RNF17: variants seen among roughly 807,000 people sequenced by gnomAD.
RNF17 encodes spermatogenesis associated 23.
In RNF17, 31 loss-of-function variants were observed where a neutral mutation model predicts 200.5. The observed-to-expected ratio is 0.15, with a 90% CI of 0.12 to 0.21. The LOEUF (loss-of-function observed/expected upper bound fraction) is 0.21, where lower values mean the gene tolerates loss of function less well. Among genes scored for constraint, RNF17 ranks in the 10% least tolerant of loss-of-function variants. RNF17 has a pLI of 1.00. For missense variants in RNF17, 1,628 were observed against 1,905.1 expected, an observed-to-expected ratio of 0.85 and a Z score of 2.71; for synonymous variants, 606 against 637.8, an observed-to-expected ratio of 0.95 and a Z score of 0.75.
At chr13:24,870,768 G>A (rs1665605671) in intron 32 of RNF17, 29 bp downstream of exon 32, 3 of 1,590,596 alleles carry the variant, frequency 1.9e-6, no homozygotes, top group East Asian at 2.2e-5. Flanking sequence ...AATGAAACAG[G>A]ATACTTAATA....
chr13:24,793,142 A>G lies in RNF17; in HGVS notation c.1036A>G (p.Lys346Glu), dbSNP rs746543704. 4.3e-6 allele frequency: 7 copies of G among 1,613,920 alleles called. No individual in the cohort carries two copies. The highest frequency in any genetic ancestry group is 5.9e-6 in the Non-Finnish European group (7 of 1,179,854). Reference protein sequence around the residue: ...CYDTYPPLEKKKVDMSVLTSE... With the variant: ...CYDTYPPLEKEKVDMSVLTSE... ...CGATACATACCCACCGCTAGAAAAGAAAAAGGTTGACATGTCTGTCCTAAC... is the reference window on the plus strand; with the variant it reads ...CGATACATACCCACCGCTAGAAAAGGAAAAGGTTGACATGTCTGTCCTAAC... The change falls in exon 10 of 36, where the codon AAA (lysine) becomes GAA (glutamate). Residue 346 changes from lysine to glutamate, a missense_variant. Lys to Glu is a moderately conservative substitution (Grantham distance 56). Transcript: ENST00000255324.
chr13:24,838,450 C>T (rs548980647), intron 18 of RNF17, among the ~76,000 whole-genome samples: 9 of 152,110 alleles, frequency 5.9e-5, no homozygotes, highest in East Asian at 3.9e-4. Flanking sequence ...ACTAGCTAAC[C>T]GAATCCAACA....
chr13:24,856,336 T>C (rs9507420), intron 25 of RNF17, among the ~76,000 whole-genome samples: 148,391 of 151,022 alleles, frequency 0.98, 72,942 homozygotes, highest in Middle Eastern at 1. Context: ...AGAAGAATCG[T>C]TTGAACCTGG....
At chr13:24,748,636 G>T in the RNF17 span, among the ~76,000 whole-genome samples, 1 of 152,192 alleles carries the variant, frequency 6.6e-6, no homozygotes, top group South Asian at 2.1e-4. Context: ...GGAGATACAG[G>T]ATAAAACATA....
intron 15 of RNF17, 49 bp from the exon 16 acceptor site, chr13:24,825,570 C>A (rs1393821195): frequency 2.3e-6 from 3 of 1,278,316 alleles, no homozygotes; most frequent in East Asian, 2.3e-5. Flanking sequence ...TCAACACTTA[C>A]ATTTTAAGTT....
chr13:24,800,107 A>T (rs1291277084), intron 12 of RNF17, among the ~76,000 whole-genome samples: 5 of 152,120 alleles, frequency 3.3e-5, no homozygotes, highest in Admixed American at 2.6e-4. Context: ...GGGAAGTGTC[A>T]TTATCTCCTT....
At chr13:24,841,966 C>T (rs1890687526) in intron 18 of RNF17, 75 bp from the exon 19 acceptor site, 2 of 1,094,422 alleles carry the variant, frequency 1.8e-6, no homozygotes, top group African/African-American at 1.7e-5. Flanking sequence ...ACTCTGTCTC[C>T]AAAAAAAAAA....
chr13:24,869,931 C>A (rs1382901015), intron 31 of RNF17, among the ~76,000 whole-genome samples: 1 of 136,722 alleles, frequency 7.3e-6, no homozygotes, highest in African/African-American at 2.7e-5. Context: ...CCATGCCCAG[C>A]TAATTTTTTT....
At chr13:24,862,620 ATTTG>A (rs1488677050) in intron 27 of RNF17, 89 bp from the exon 28 acceptor site, 3 of 745,850 alleles carry the variant, frequency 4.0e-6, no homozygotes, top group African/African-American at 3.4e-5. Flanking sequence ...ATCTGATATT[ATTTG>A]TTTATGGCTA....
intron 31 of RNF17, among the ~76,000 whole-genome samples, chr13:24,869,217 G>A (rs1348846419): frequency 1.3e-5 from 2 of 152,310 alleles, no homozygotes; most frequent in Middle Eastern, 3.4e-3. Flanking sequence ...GGCACTAAAA[G>A]TTCAATTACA....
chr13:24,825,174 A>G lies in RNF17; in HGVS notation c.2092-445A>G, dbSNP rs541372225. On this transcript the variant is annotated intron_variant, in intron 15 of 35. Transcript: ENST00000255324. The stretch of plus-strand genomic sequence containing the variant: ...TTATAAAAGTGTTATGGAGATAACA[A>G]TCAGAAGCAGTATATAATCTTGGTT... Among the ~76,000 whole-genome samples, 16 of 152,348 alleles carry G rather than the reference A, an allele frequency of 1.1e-4. No homozygotes were observed. In the South Asian group the frequency reaches 1.2e-3, roughly 12 times the overall value.
intron 5 of RNF17, among the ~76,000 whole-genome samples, chr13:24,781,428 T>G (rs1050842976): frequency 6.6e-6 from 1 of 151,942 alleles, no homozygotes; most frequent in Non-Finnish European, 1.5e-5. Context: ...GGCTAGGAGT[T>G]TGAGACCAGC....
At chr13:24,833,321 C>T (rs920111584) in intron 18 of RNF17, among the ~76,000 whole-genome samples, 4 of 152,090 alleles carry the variant, frequency 2.6e-5, no homozygotes, top group African/African-American at 9.7e-5. Flanking sequence ...TTATTTACTT[C>T]AGAACAAGAA....
upstream of RNF17, among the ~76,000 whole-genome samples, chr13:24,762,669 G>C (rs888727690): frequency 6.6e-6 from 1 of 152,158 alleles, no homozygotes; most frequent in Non-Finnish European, 1.5e-5. Flanking sequence ...ACAGTTTCTA[G>C]TTACCCACAC....
At chr13:24,885,363 A>C in the RNF17 span, 1 of 1,613,890 alleles carries the variant, frequency 6.2e-7, no homozygotes, top group Admixed American at 1.7e-5. Flanking sequence ...TCAGTGGTTC[A>C]AGTGGCTCCC....
intron 19 of RNF17, among the ~76,000 whole-genome samples, chr13:24,843,195 G>A (rs1180198385): frequency 2.0e-5 from 3 of 151,994 alleles, no homozygotes; most frequent in East Asian, 1.9e-4. Flanking sequence ...AAATGAGAGC[G>A]GAAAAGAAAT....
downstream of RNF17, among the ~76,000 whole-genome samples, chr13:24,880,899 G>A (rs1046781995): frequency 6.6e-6 from 1 of 152,174 alleles, no homozygotes; most frequent in African/African-American, 2.4e-5. Context: ...GTAAGAAAAG[G>A]TATCTCATCA....
intron 22 of RNF17, among the ~76,000 whole-genome samples, chr13:24,848,389 C>T (rs562059326): frequency 9.2e-5 from 14 of 152,172 alleles, no homozygotes; most frequent in Non-Finnish European, 1.5e-4. Context: ...TGGCCGGACG[C>T]GGTGGCCCAC....
intron 15 of RNF17, among the ~76,000 whole-genome samples, chr13:24,816,897 T>C (rs61949271): frequency 0.15 from 22,161 of 151,738 alleles, 1,653 homozygotes; most frequent in African/African-American, 0.16. Context: ...TGATTTACTG[T>C]AAACATCAGT....
Sources: gnomAD v4.1 joint callset for allele counts (sites outside exome capture counted in the v4.1 genomes callset) on GRCh38, gnomAD v4.1.1 for gene constraint, MANE v1.5 for transcripts, NCBI Gene and HGNC (gene_info 2026-07-23, HGNC 2026-07-21) for gene names.